Variants in SLCO1B3 observed in about 807,000 individuals in gnomAD.
The protein encoded by SLCO1B3 is solute carrier organic anion transporter family member 1B3.
In SLCO1B3, 72 loss-of-function variants were observed where a neutral mutation model predicts 71.8. That is an observed-to-expected ratio of 1.00 (90% CI 0.83 to 1.22). The LOEUF (loss-of-function observed/expected upper bound fraction) is 1.22. SLCO1B3 is among the 50% of genes most tolerant of loss of function. SLCO1B3 has a pLI of 0.00. For synonymous variants in SLCO1B3, 298 were observed against 278.4 expected (o/e 1.07, Z -0.70); for missense variants, 911 against 819.7 (o/e 1.11, Z -1.36).
In SLCO1B3 at chr12:20,847,910, T is replaced by C. The variant is rs971839452; in HGVS notation, c.85-7118T>C. 1.2e-4 allele frequency among the ~76,000 whole-genome samples: 18 copies of C among 151,910 alleles called. No homozygotes were observed. The East Asian group carries it at 1.5e-3, about 13-fold the overall frequency. On this transcript the variant is annotated intron_variant, in intron 3 of 15. Transcript: ENST00000381545. ...GCCTAGAAGCTTAAGGAACTCCAAG[T>C]AAAAAAACTGAAAGAAATTCACTTT... is the stretch of plus-strand genomic sequence containing the variant.
At chr12:20,834,640 GT>G (rs1410797845) in intron 3 of SLCO1B3, among the ~76,000 whole-genome samples, 1 of 152,004 alleles carries the variant, frequency 6.6e-6, no homozygotes, top group Non-Finnish European at 1.5e-5. Flanking sequence ...TCAGTGCTCA[GT>G]GTGTATAAGC....
chr12:20,841,396 C>T (rs1864798522), intron 3 of SLCO1B3, among the ~76,000 whole-genome samples: 1 of 152,092 alleles, frequency 6.6e-6, no homozygotes, highest in Admixed American at 6.6e-5. Context: ...TAAACTTGTA[C>T]TTAAAATTCC....
At chr12:20,832,256 C>T (rs990701782) in intron 3 of SLCO1B3, among the ~76,000 whole-genome samples, 1 of 152,148 alleles carries the variant, frequency 6.6e-6, no homozygotes. Flanking sequence ...TATACAGACT[C>T]AGTGGATGGA....
chr12:20,861,037 C>A lies in SLCO1B3; in HGVS notation c.380C>A (p.Thr127Asn). 1 of 1,589,768 alleles carries A rather than the reference C, an allele frequency of 6.3e-7. No homozygotes were observed. Among genetic ancestry groups the A allele is most frequent in the East Asian group, 2.3e-5 (1 of 44,270 alleles). Residue 127 changes from threonine (T) to asparagine (N), a missense_variant, in exon 6 of 16, where the codon ACC becomes AAC. Thr to Asn is a moderately conservative substitution (Grantham distance 65). Coordinates refer to ENST00000381545, the MANE Select transcript of SLCO1B3 (RefSeq NM_019844.4). ...TACAGTTATAGGTATTCTAAAGAAACCCATATTAATCCATCAGAAAATTCA... is the reference window on the plus strand; with the variant it reads ...TACAGTTATAGGTATTCTAAAGAAAACCATATTAATCCATCAGAAAATTCA... ...FMGYYRYSKE[T>N]HINPSENSTS...
At chr12:20,839,970 T>G (rs1288328049) in intron 3 of SLCO1B3, among the ~76,000 whole-genome samples, 1 of 152,240 alleles carries the variant, frequency 6.6e-6, no homozygotes, top group East Asian at 1.9e-4. Flanking sequence ...ATTACTTATT[T>G]CTGCTACAAT....
intron 8 of SLCO1B3, among the ~76,000 whole-genome samples, chr12:20,874,058 A>G (rs1325256360): frequency 6.6e-6 from 1 of 152,180 alleles, no homozygotes; most frequent in Non-Finnish European, 1.5e-5. Flanking sequence ...ATAATGCTGC[A>G]ATAAACATAC....
At chr12:20,830,136 A>T (rs1864508390) in intron 3 of SLCO1B3, among the ~76,000 whole-genome samples, 1 of 152,148 alleles carries the variant, frequency 6.6e-6, no homozygotes, top group African/African-American at 2.4e-5. Context: ...TGCCTCTGAC[A>T]GTGTGAGCAA....
chr12:20,875,604 A>G, intron 9 of SLCO1B3, 127 bp downstream of exon 9: 1 of 991,882 alleles, frequency 1.0e-6, no homozygotes, highest in Non-Finnish European at 1.5e-6. Flanking sequence ...AATTTAGCTG[A>G]ATTATTTTTT....
At chr12:20,832,192 G>C (rs1016785733) in intron 3 of SLCO1B3, among the ~76,000 whole-genome samples, 1 of 152,056 alleles carries the variant, frequency 6.6e-6, no homozygotes, top group Non-Finnish European at 1.5e-5. Flanking sequence ...AACAACCATG[G>C]GACTTGGTTT....
At chr12:20,888,514 G>A (rs549160489) in intron 13 of SLCO1B3, among the ~76,000 whole-genome samples, 5 of 151,830 alleles carry the variant, frequency 3.3e-5, no homozygotes, top group African/African-American at 9.7e-5. Context: ...TATGGAAATG[G>A]TACTTATTTT....
intron 6 of SLCO1B3, 58 bp from the exon 7 acceptor site, chr12:20,862,354 T>A (rs1029070785): frequency 3.2e-5 from 48 of 1,512,866 alleles, no homozygotes; most frequent in Non-Finnish European, 4.1e-5. Context: ...AGTAGTTAAA[T>A]TTCTAATAGG....
intron 3 of SLCO1B3, among the ~76,000 whole-genome samples, chr12:20,823,905 C>T (rs1407108032): frequency 6.6e-6 from 1 of 152,184 alleles, no homozygotes. Context: ...CTCTGTAGGT[C>T]AGCCTCCTTT....
intron 3 of SLCO1B3, among the ~76,000 whole-genome samples, chr12:20,832,253 A>G (rs1183398210): frequency 6.6e-6 from 1 of 152,144 alleles, no homozygotes; most frequent in Non-Finnish European, 1.5e-5. Context: ...GCATATACAG[A>G]CTCAGTGGAT....
intron 8 of SLCO1B3, among the ~76,000 whole-genome samples, chr12:20,868,468 G>T (rs1865413869): frequency 6.6e-6 from 1 of 152,126 alleles, no homozygotes; most frequent in South Asian, 2.1e-4. Flanking sequence ...TATACCCATT[G>T]ACTGGGAACT....
intron 3 of SLCO1B3, among the ~76,000 whole-genome samples, chr12:20,827,185 T>A (rs890329918): frequency 6.6e-6 from 1 of 152,130 alleles, no homozygotes; most frequent in Non-Finnish European, 1.5e-5. Flanking sequence ...CATGCCAAAT[T>A]TGGACACCTT....
intron 15 of SLCO1B3, among the ~76,000 whole-genome samples, chr12:20,906,698 A>G (rs1307877292): frequency 1.3e-5 from 2 of 152,314 alleles, no homozygotes; most frequent in East Asian, 3.9e-4. Context: ...TGGTTATGAA[A>G]CATATAAAAA....
intron 5 of SLCO1B3, among the ~76,000 whole-genome samples, 176 bp from the exon 6 acceptor site, chr12:20,860,840 AT>A (rs577391301): frequency 5.3e-4 from 80 of 152,184 alleles, no homozygotes; most frequent in Non-Finnish European, 1.0e-3. Context: ...GGACACTCCC[AT>A]TTCACCCCCT....
chr12:20,862,304 G>T, intron 6 of SLCO1B3, 108 bp from the exon 7 acceptor site: 1 of 1,253,984 alleles, frequency 8.0e-7, no homozygotes, highest in East Asian at 2.6e-5. Flanking sequence ...CTTGTAATTA[G>T]GAAACAAACA....
intron 9 of SLCO1B3, among the ~76,000 whole-genome samples, chr12:20,876,328 C>G (rs1332227260): frequency 1.3e-5 from 2 of 152,108 alleles, no homozygotes; most frequent in Non-Finnish European, 2.9e-5. Flanking sequence ...AAGGTATTGA[C>G]AGCAGTTTTC....
Sources: gnomAD v4.1 joint callset for allele counts (sites outside exome capture counted in the v4.1 genomes callset) on GRCh38, gnomAD v4.1.1 for gene constraint, MANE v1.5 for transcripts, NCBI Gene and HGNC (gene_info 2026-07-23, HGNC 2026-07-21) for gene names.